The following ZC3H12B variants were observed in gnomAD, a reference collection of about 807,000 sequenced individuals.
ZC3H12B encodes zinc finger CCCH-type containing 12B, also known as probable ribonuclease ZC3H12B.
Under a neutral mutation model 43.9 loss-of-function variants are expected in ZC3H12B, and 7 were observed. That is an observed-to-expected ratio of 0.16 (90% CI 0.09 to 0.30). The LOEUF (loss-of-function observed/expected upper bound fraction) is 0.30. ZC3H12B is among the 10% of genes least tolerant of loss of function. The pLI is 1.00. For missense variants in ZC3H12B, 475 were observed against 670.2 expected (o/e 0.71, Z 3.22); for synonymous variants, 222 against 241.7 (o/e 0.92, Z 0.76).
the ZC3H12B span, among the ~76,000 whole-genome samples, chrX:65,141,651 A>T: frequency 9.0e-6 from 1 of 110,500 alleles, no homozygotes; most frequent in African/African-American, 3.3e-5. Context: ...CCCTATTTGT[A>T]GCCTTTTTCC....
At chrX:65,292,470 T>A in the ZC3H12B span, among the ~76,000 whole-genome samples, 1 of 110,476 alleles carries the variant, frequency 9.1e-6, no homozygotes, top group Non-Finnish European at 1.9e-5. Flanking sequence ...ACACTGGGGC[T>A]TACTGGAGGG....
At chrX:65,345,079 A>G in the ZC3H12B span, among the ~76,000 whole-genome samples, 2 of 112,480 alleles carry the variant, frequency 1.8e-5, no homozygotes, top group African/African-American at 6.5e-5. Flanking sequence ...GAGGAAAAGG[A>G]ACAAGTGTAC....
intron 2 of ZC3H12B, among the ~76,000 whole-genome samples, chrX:65,497,671 A>C (rs1229234048): frequency 8.9e-6 from 1 of 111,881 alleles, no homozygotes; most frequent in Non-Finnish European, 1.9e-5. Flanking sequence ...GGAATAAAAT[A>C]GAGAGAAAGA....
the ZC3H12B span, among the ~76,000 whole-genome samples, chrX:65,317,830 CTGTA>C: frequency 2.0e-5 from 2 of 100,352 alleles, no homozygotes; most frequent in Admixed American, 1.1e-4. Flanking sequence ...TATATACACA[CTGTA>C]TATATACACG....
At chrX:65,335,130 A>T in the ZC3H12B span, among the ~76,000 whole-genome samples, 1 of 112,126 alleles carries the variant, frequency 8.9e-6, no homozygotes, top group African/African-American at 3.2e-5. Flanking sequence ...AAAGTATTAT[A>T]CATCAGATAA....
the ZC3H12B span, among the ~76,000 whole-genome samples, chrX:65,204,252 T>C: frequency 1.8e-5 from 2 of 112,252 alleles, no homozygotes; most frequent in African/African-American, 6.5e-5. Context: ...ATGTGGATAC[T>C]TGTTCAATTT....
chrX:65,201,695 G>T, the ZC3H12B span, among the ~76,000 whole-genome samples: 1 of 100,338 alleles, frequency 1.0e-5, no homozygotes, highest in African/African-American at 3.7e-5. Flanking sequence ...ATTGGTCCCT[G>T]GTGCCTTAGT....
At chrX:65,279,530 A>C in the ZC3H12B span, among the ~76,000 whole-genome samples, 1 of 111,112 alleles carries the variant, frequency 9.0e-6, no homozygotes, top group Non-Finnish European at 1.9e-5. Flanking sequence ...CAGAAGATTT[A>C]AGCTGGACCC....
the ZC3H12B span, among the ~76,000 whole-genome samples, chrX:65,312,035 C>T: frequency 1.3e-4 from 15 of 111,173 alleles, no homozygotes; most frequent in East Asian, 4.2e-3. Flanking sequence ...AGGAAAAATA[C>T]CTAATGTAAA....
the ZC3H12B span, among the ~76,000 whole-genome samples, chrX:65,358,337 T>A: frequency 8.9e-6 from 1 of 111,797 alleles, no homozygotes; most frequent in Non-Finnish European, 1.9e-5. Context: ...GCAGACCTAA[T>A]AGATATCTAC....
chrX:65,250,066 T>C, the ZC3H12B span, among the ~76,000 whole-genome samples: 1 of 110,759 alleles, frequency 9.0e-6, no homozygotes, highest in African/African-American at 3.3e-5. Context: ...TAGGTATATC[T>C]CCTAATGCTA....
chrX:65,243,942 G>T, the ZC3H12B span, among the ~76,000 whole-genome samples: 45 of 111,833 alleles, frequency 4.0e-4, no homozygotes, highest in South Asian at 0.014. Flanking sequence ...TTGAGACAGA[G>T]AGCAGAATGA....
chrX:65,434,693 G>T (rs2067199771), intron 3 of ZC3H12B, among the ~76,000 whole-genome samples: 1 of 111,950 alleles, frequency 8.9e-6, no homozygotes, highest in South Asian at 3.7e-4. Context: ...GTCACACTTT[G>T]TACCTTGTCT....
At chrX:65,190,687 G>A in the ZC3H12B span, among the ~76,000 whole-genome samples, 7 of 110,212 alleles carry the variant, frequency 6.4e-5, no homozygotes, top group African/African-American at 2.3e-4. Flanking sequence ...ATCATCTTCA[G>A]GAGATTTTGG....
At chrX:65,235,317 T>C in the ZC3H12B span, among the ~76,000 whole-genome samples, 1 of 112,309 alleles carries the variant, frequency 8.9e-6, no homozygotes, top group Non-Finnish European at 1.9e-5. Flanking sequence ...ACCAACAGTG[T>C]AAACACATTC....
intron 3 of ZC3H12B, among the ~76,000 whole-genome samples, chrX:65,477,866 G>A (rs1242983482): frequency 1.9e-5 from 2 of 105,934 alleles, no homozygotes; most frequent in African/African-American, 3.5e-5. Context: ...TGTACACTTG[G>A]TGATATATCA....
the ZC3H12B span, among the ~76,000 whole-genome samples, chrX:65,352,848 T>C: frequency 9.0e-6 from 1 of 111,684 alleles, no homozygotes; most frequent in Non-Finnish European, 1.9e-5. Context: ...GAGATCTTTG[T>C]TTTTATTTTT....
At chrX:65,083,391 G>A in the ZC3H12B span, among the ~76,000 whole-genome samples, 1 of 111,832 alleles carries the variant, frequency 8.9e-6, no homozygotes, top group African/African-American at 3.2e-5. Context: ...TACTAGAAAT[G>A]ATGGAAAATT....
chrX:65,104,082 T>C, the ZC3H12B span, among the ~76,000 whole-genome samples: 2 of 110,602 alleles, frequency 1.8e-5, no homozygotes, highest in Non-Finnish European at 3.8e-5. Context: ...TATAGACCAA[T>C]GGAACAGAAC....
Sources: allele counts gnomAD v4.1 joint callset (sites outside exome capture counted in the v4.1 genomes callset), GRCh38; gene constraint gnomAD v4.1.1; transcripts MANE v1.5; gene names NCBI Gene and HGNC (gene_info 2026-07-23, HGNC 2026-07-21).